Variants in BACH2 observed in about 807,000 individuals in gnomAD.
The protein encoded by BACH2 is transcription regulator protein BACH2.
In BACH2, 5 loss-of-function variants were observed where a neutral mutation model predicts 61.8. The observed-to-expected ratio is 0.08, with a 90% confidence interval of 0.04 to 0.17. The LOEUF is 0.17. BACH2 is among the 10% of genes least tolerant of loss of function. The pLI is 1.00. For synonymous variants in BACH2, 446 were observed against 440.1 expected (o/e 1.01, Z -0.17); for missense variants, 824 against 1,091.1 (o/e 0.76, Z 3.45).
chr6:90,103,289 G>C (rs943376598), intron 4 of BACH2, among the ~76,000 whole-genome samples: 2 of 151,850 alleles, frequency 1.3e-5, no homozygotes, highest in Admixed American at 6.6e-5. Context: ...GGAGCAGAGA[G>C]AGCCAGGAGC....
In BACH2 at chr6:90,008,903, C is replaced by T. The variant is rs1777554910; in HGVS notation, c.-12-47G>A. 7 of 1,593,120 alleles carry T rather than the reference C, an allele frequency of 4.4e-6. No homozygotes were observed. The Admixed American group carries it at 1.2e-4, about 27-fold the overall frequency. On this transcript the variant is annotated intron_variant, in intron 5 of 8. Transcript: ENST00000257749. This position sits in a 1 kb window ranked among gnomAD's most constrained non-coding sequence, Gnocchi z 4.1. ...AGAAAGAAAGAAAGAAAGGCTGAGT[C>T]ACCACAGCTGTAGGATCAGAGAGAG...
intron 1 of BACH2, among the ~76,000 whole-genome samples, chr6:90,276,872 A>G (rs12203124): frequency 0.048 from 7,253 of 152,250 alleles, 225 homozygotes; most frequent in Admixed American, 0.092. Flanking sequence ...GAGAAACCTG[A>G]GTGATATAAC....
chr6:90,273,755 T>C (rs950157756), intron 1 of BACH2, among the ~76,000 whole-genome samples: 2 of 152,172 alleles, frequency 1.3e-5, no homozygotes, highest in Admixed American at 6.5e-5. Flanking sequence ...TAAATCAAGT[T>C]GTTTTTTAAA....
Position 89,931,605 on chromosome 6 carries a change from A to C in BACH2, c.*803T>G, listed in dbSNP as rs1772645007. On this transcript the variant is annotated 3_prime_UTR_variant, in exon 9 of 9. Transcript: ENST00000257749. ...TATCTGCAAGGAAAACAAAAACAAAAACAAAAACAAACAAAACCCCCCAAA... is the reference window on the plus strand; with the variant it reads ...TATCTGCAAGGAAAACAAAAACAAACACAAAAACAAACAAAACCCCCCAAA... 6.6e-6 allele frequency: 1 copy of C among 152,648 alleles called. No homozygotes were observed. The highest frequency in any genetic ancestry group is 1.5e-5 in the Non-Finnish European group (1 of 68,054). 9.5% of individuals were successfully genotyped at this position (152,648 alleles called of 1,614,324 possible). A position where few individuals can be genotyped will look rare whatever the true frequency, so the allele number is the denominator to read the frequency against.
At chr6:90,024,148 T>A (rs1251945966) in intron 5 of BACH2, among the ~76,000 whole-genome samples, 4 of 152,068 alleles carry the variant, frequency 2.6e-5, no homozygotes, top group Non-Finnish European at 2.9e-5. Context: ...CTACTATATA[T>A]ATATATATCC....
At chr6:90,272,598 A>G (rs1443227197) in intron 1 of BACH2, among the ~76,000 whole-genome samples, 2 of 152,184 alleles carry the variant, frequency 1.3e-5, no homozygotes, top group Admixed American at 1.3e-4. Flanking sequence ...GAGCTTGTCT[A>G]TTGACCTCAT....
intron 5 of BACH2, among the ~76,000 whole-genome samples, chr6:90,041,788 T>C (rs1779548109): frequency 6.6e-6 from 1 of 152,220 alleles, no homozygotes; most frequent in Non-Finnish European, 1.5e-5. Flanking sequence ...TAAAGTTTCC[T>C]TGATTGTGTT....
At chr6:90,142,772 A>G (rs957696799) in intron 4 of BACH2, among the ~76,000 whole-genome samples, 4 of 152,204 alleles carry the variant, frequency 2.6e-5, no homozygotes, top group African/African-American at 9.7e-5. Context: ...AAAAGATTTA[A>G]ATTTTCTTCT....
At chr6:90,281,599 G>T (rs1771860366) in intron 1 of BACH2, among the ~76,000 whole-genome samples, 1 of 151,940 alleles carries the variant, frequency 6.6e-6, no homozygotes, top group South Asian at 2.1e-4. Context: ...TACCATCTAT[G>T]TATGTATCCC....
intron 4 of BACH2, among the ~76,000 whole-genome samples, chr6:90,122,217 T>G (rs1206272742): frequency 6.6e-6 from 1 of 152,250 alleles, no homozygotes; most frequent in Non-Finnish European, 1.5e-5. Flanking sequence ...TCACTGGGGA[T>G]GCCCAGGGGT....
chr6:90,248,242 A>G (rs1770700292), intron 3 of BACH2, among the ~76,000 whole-genome samples: 2 of 152,182 alleles, frequency 1.3e-5, no homozygotes, highest in African/African-American at 4.8e-5. Context: ...TCGTTTTTTC[A>G]GTACTTAACA....
intron 4 of BACH2, among the ~76,000 whole-genome samples, chr6:90,175,838 C>T (rs1275238416): frequency 6.6e-6 from 1 of 152,244 alleles, no homozygotes; most frequent in South Asian, 2.1e-4. Flanking sequence ...TCTAGAGACA[C>T]CCCTCCTCTA....
At chr6:89,967,590 C>T (rs1775111756) in intron 6 of BACH2, among the ~76,000 whole-genome samples, 1 of 152,182 alleles carries the variant, frequency 6.6e-6, no homozygotes, top group South Asian at 2.1e-4. Flanking sequence ...AGTTTAATGG[C>T]ACCTTCCCAG....
intron 6 of BACH2, among the ~76,000 whole-genome samples, chr6:89,974,185 G>A (rs946330643): frequency 2.0e-5 from 3 of 152,100 alleles, no homozygotes; most frequent in Non-Finnish European, 2.9e-5. Context: ...TGAGAACTTG[G>A]GCTCTGGAGT....
At chr6:90,241,597 G>C (rs941203103) in intron 3 of BACH2, among the ~76,000 whole-genome samples, 3 of 152,198 alleles carry the variant, frequency 2.0e-5, no homozygotes, top group Non-Finnish European at 4.4e-5. Context: ...CACCCTGTCT[G>C]TTGTCAAAAG....
At chr6:89,955,341 A>C (rs1774366559) in intron 6 of BACH2, among the ~76,000 whole-genome samples, 1 of 152,220 alleles carries the variant, frequency 6.6e-6, no homozygotes, top group Non-Finnish European at 1.5e-5. Context: ...ACTAAGTAAC[A>C]ATGTAAGCAA....
chr6:89,930,166 A>ACACACAC lies in BACH2; in HGVS notation c.*2241_*2242insGTGTGTG, dbSNP rs1772562376. Reference sequence around the variant, plus strand: ...ACACACACACACACACACACACACAAACAAGAAAAAACAAAAACCCAGAGG... The same window carrying ACACACAC: ...ACACACACACACACACACACACACAACACACACACAAGAAAAAACAAAAACCCAGAGG... On this transcript the variant is annotated 3_prime_UTR_variant, in exon 9 of 9. Coordinates refer to ENST00000257749, the MANE Select transcript of BACH2 (RefSeq NM_021813.4). The ACACACAC allele has an allele frequency of 7.8e-6, 1 of 128,398 alleles. No individual in the cohort carries two copies. The highest frequency in any genetic ancestry group is 3.0e-5 in the African/African-American group (1 of 32,980). 8.0% of individuals were successfully genotyped at this position (128,398 alleles called of 1,614,324 possible).
chr6:90,296,329 G>A (rs1772386346), intron 1 of BACH2, among the ~76,000 whole-genome samples, 151 bp downstream of exon 1: 1 of 151,412 alleles, frequency 6.6e-6, no homozygotes, highest in South Asian at 2.1e-4. Context: ...GCAGGGCGCG[G>A]GGAGGGCGGC....
At chr6:90,240,891 T>A (rs944470843) in intron 3 of BACH2, among the ~76,000 whole-genome samples, 1 of 152,114 alleles carries the variant, frequency 6.6e-6, no homozygotes, top group Non-Finnish European at 1.5e-5. Flanking sequence ...CTAAATATAA[T>A]ATTATTTCCA....
Sources: gnomAD v4.1 joint callset for allele counts (sites outside exome capture counted in the v4.1 genomes callset) on GRCh38, gnomAD v4.1.1 for gene constraint, Gnocchi (gnomAD v3.1) non-coding constraint, MANE v1.5 for transcripts, NCBI Gene and HGNC (gene_info 2026-07-23, HGNC 2026-07-21) for gene names.